PCDH15: variants seen among roughly 807,000 people sequenced by gnomAD.
PCDH15 encodes the protein protocadherin-15.
In PCDH15, 129 loss-of-function variants were observed where a neutral mutation model predicts 178.5. The ratio of observed to expected loss-of-function variants is 0.72; its 90% CI spans 0.63 to 0.84. The LOEUF (loss-of-function observed/expected upper bound fraction) is 0.84. Ranked by LOEUF, PCDH15 falls within the 40% of genes least tolerant of loss-of-function variation. The probability of loss-of-function intolerance (pLI) is 0.00; values close to 1 mark genes in which losing one functional copy is unlikely to be tolerated. For synonymous variants in PCDH15, 800 were observed against 732.0 expected (o/e 1.09, Z -1.50); for missense variants, 2,230 against 2,099.9 (o/e 1.06, Z -1.21).
In PCDH15 at chr10:55,414,767, AGG is replaced by A. The variant is rs1491312311; in HGVS notation, c.-156+212856_-156+212857del. On this transcript the variant is annotated intron_variant, in intron 2 of 5. Transcript: ENST00000613346. Reference sequence around the variant, plus strand: ...CTGAATTCATATATTATTTCTAACAAGGGGTGTGTGTGTGTGTGTGTGTGTGT... The same window carrying A: ...CTGAATTCATATATTATTTCTAACAAGGTGTGTGTGTGTGTGTGTGTGTGT... Among the ~76,000 whole-genome samples, 464 of 112,128 alleles carry A rather than the reference AGG, an allele frequency of 4.1e-3. 4 individuals carry two copies. The highest frequency in any genetic ancestry group is 0.017 in the African/African-American group (449 of 27,180). 73.6% of individuals were successfully genotyped at this position (112,128 alleles called of 152,430 possible).
intron 2 of PCDH15, among the ~76,000 whole-genome samples, chr10:55,333,400 G>GTA (rs35457881): frequency 0.22 from 33,364 of 151,694 alleles, 4,301 homozygotes; most frequent in African/African-American, 0.36. Flanking sequence ...GTTTCAATAA[G>GTA]AATTTCAAGA....
At chr10:54,682,477 C>A (rs970027512) in intron 1 of PCDH15, among the ~76,000 whole-genome samples, 4 of 152,090 alleles carry the variant, frequency 2.6e-5, no homozygotes, top group Non-Finnish European at 4.4e-5. Flanking sequence ...AGAAATTGGT[C>A]ATTTATATAA....
chr10:55,338,248 A>G (rs1844452234), intron 2 of PCDH15, among the ~76,000 whole-genome samples: 4 of 152,276 alleles, frequency 2.6e-5, no homozygotes, highest in Admixed American at 2.0e-4. Flanking sequence ...ACGTCCCTCA[A>G]AAAAACTAAA....
chr10:54,297,053 G>A (rs958196041), intron 8 of PCDH15, among the ~76,000 whole-genome samples: 1 of 152,050 alleles, frequency 6.6e-6, no homozygotes, highest in Non-Finnish European at 1.5e-5. Flanking sequence ...ATTCCCATCA[G>A]CAGGGTCCAG....
At chr10:55,249,061 C>G (rs1429447482) in intron 1 of PCDH15, among the ~76,000 whole-genome samples, 5 of 152,082 alleles carry the variant, frequency 3.3e-5, no homozygotes, top group Admixed American at 6.6e-5. Context: ...TATAAAAAGA[C>G]AGACTCATTT....
chr10:54,211,802 T>C (rs945025521), intron 10 of PCDH15, among the ~76,000 whole-genome samples: 2 of 152,038 alleles, frequency 1.3e-5, no homozygotes, highest in African/African-American at 2.4e-5. Flanking sequence ...AACTGCCAGA[T>C]TGTAGCATTT....
At chr10:54,656,395 C>T (rs1047648653) in intron 2 of PCDH15, among the ~76,000 whole-genome samples, 3 of 152,078 alleles carry the variant, frequency 2.0e-5, no homozygotes, top group African/African-American at 4.8e-5. Context: ...TGCTAACCAT[C>T]GAATTATTAG....
chr10:54,774,903 T>C (rs765701224), intron 1 of PCDH15, among the ~76,000 whole-genome samples: 13 of 150,768 alleles, frequency 8.6e-5, no homozygotes, highest in Non-Finnish European at 1.3e-4. Context: ...ATCTATTTAA[T>C]AAAGAAGAAA....
intron 26 of PCDH15, among the ~76,000 whole-genome samples, chr10:53,901,344 G>A (rs1356304730): frequency 6.6e-6 from 1 of 151,986 alleles, no homozygotes; most frequent in Non-Finnish European, 1.5e-5. Flanking sequence ...ATCTGTTCAG[G>A]ACAAAAACCA....
chr10:54,078,006 T>C (rs1398674004), intron 17 of PCDH15, among the ~76,000 whole-genome samples: 1 of 152,138 alleles, frequency 6.6e-6, no homozygotes, highest in Non-Finnish European at 1.5e-5. Flanking sequence ...GAGTTTGCAG[T>C]GAGCCGAGAT....
chr10:55,010,442 A>G (rs575820315), intron 2 of PCDH15, among the ~76,000 whole-genome samples: 3 of 152,242 alleles, frequency 2.0e-5, no homozygotes, highest in African/African-American at 7.2e-5. Context: ...CATTTAGAAT[A>G]AGTGCTATAA....
chr10:54,550,488 C>CTGTGTGTG (rs71010384), intron 2 of PCDH15, among the ~76,000 whole-genome samples: 9,899 of 150,798 alleles, frequency 0.066, 585 homozygotes, highest in East Asian at 0.3. Flanking sequence ...GTGTATGTGT[C>CTGTGTGTG]TGTGTGTGTG....
chr10:54,513,363 T>C (rs995799716), intron 3 of PCDH15, among the ~76,000 whole-genome samples: 1 of 151,750 alleles, frequency 6.6e-6, no homozygotes, highest in Non-Finnish European at 1.5e-5. Context: ...TGGGTTTAAG[T>C]GATTCTCATG....
At chr10:54,805,359 T>C (rs1205427800), upstream of PCDH15, among the ~76,000 whole-genome samples, 1 of 152,130 alleles carries the variant, frequency 6.6e-6, no homozygotes, top group African/African-American at 2.4e-5. Context: ...CCAAATTGCC[T>C]GGGATCGAGT....
chr10:54,255,401 T>C (rs2056820670), intron 8 of PCDH15, among the ~76,000 whole-genome samples: 1 of 152,198 alleles, frequency 6.6e-6, no homozygotes, highest in Admixed American at 6.6e-5. Context: ...ACTTTCTTAG[T>C]TGTTCTTTTG....
At chr10:54,800,564 A>AT (rs796619854) in intron 1 of PCDH15, among the ~76,000 whole-genome samples, 18 of 152,226 alleles carry the variant, frequency 1.2e-4, no homozygotes, top group African/African-American at 4.1e-4. Flanking sequence ...TTCTGATGCC[A>AT]TTTTTCTGTA....
At chr10:54,961,424 T>C (rs1838651867) in intron 2 of PCDH15, among the ~76,000 whole-genome samples, 1 of 151,958 alleles carries the variant, frequency 6.6e-6, no homozygotes, top group African/African-American at 2.4e-5. Context: ...GGTTTTTAGG[T>C]GGGAATAGGC....
chr10:55,525,089 C>A (rs1046551608), intron 2 of PCDH15, among the ~76,000 whole-genome samples: 1 of 151,748 alleles, frequency 6.6e-6, no homozygotes, highest in Non-Finnish European at 1.5e-5. Context: ...TTAGAGAAAT[C>A]ATTCACCCAG....
chr10:54,645,971 A>G (rs937980215), intron 2 of PCDH15, among the ~76,000 whole-genome samples: 17 of 152,234 alleles, frequency 1.1e-4, no homozygotes, highest in African/African-American at 3.9e-4. Flanking sequence ...AAAATCATAC[A>G]TTAATATTTT....
Sources: gnomAD v4.1 joint callset for allele counts (sites outside exome capture counted in the v4.1 genomes callset) on GRCh38, gnomAD v4.1.1 for gene constraint, MANE v1.5 for transcripts, NCBI Gene and HGNC (gene_info 2026-07-23, HGNC 2026-07-21) for gene names.